Variants in OPCML observed in about 807,000 individuals in gnomAD.
OPCML encodes opioid binding protein/cell adhesion molecule like.
OPCML carries 13 observed loss-of-function variants against 37.8 expected under a neutral mutation model. The observed-to-expected ratio is 0.34, with a 90% CI of 0.22 to 0.55. OPCML has a LOEUF of 0.55. Ranked by LOEUF, OPCML falls within the 20% of genes least tolerant of loss-of-function variation. The pLI, the probability that OPCML is intolerant of heterozygous loss-of-function variation, is 0.91. For missense variants in OPCML, 341 were observed against 435.6 expected, an observed-to-expected ratio of 0.78 and a Z score of 1.93; for synonymous variants, 176 against 168.8, an observed-to-expected ratio of 1.04 and a Z score of -0.33.
intron 1 of OPCML, among the ~76,000 whole-genome samples, chr11:132,946,214 C>A (rs1404017084): frequency 6.6e-6 from 1 of 152,200 alleles, no homozygotes; most frequent in Non-Finnish European, 1.5e-5. Flanking sequence ...GCTTCAGGAG[C>A]AATAACATGC....
At chr11:132,981,904 T>G (rs1037584735) in intron 1 of OPCML, among the ~76,000 whole-genome samples, 1 of 152,164 alleles carries the variant, frequency 6.6e-6, no homozygotes, top group Admixed American at 6.5e-5. Flanking sequence ...ACAATGACCT[T>G]GTAAGGAGAA....
chr11:133,361,569 T>A (rs1944420532), intron 1 of OPCML: 3 of 161,228 alleles, frequency 1.9e-5, no homozygotes, highest in Non-Finnish European at 4.1e-5. Flanking sequence ...CTGCAGCTAC[T>A]CCGGGGCACC....
At chr11:133,053,685 C>T (rs1030059172) in intron 1 of OPCML, among the ~76,000 whole-genome samples, 4 of 152,188 alleles carry the variant, frequency 2.6e-5, no homozygotes, top group South Asian at 2.1e-4. Context: ...GGCTTTTCTT[C>T]GACCTAACCT....
Position 133,164,261 on chromosome 11 carries a change from G to C in OPCML, c.62-221251C>G, listed in dbSNP as rs942219393. ...TCTGGGCAAGTAACAGACCCTCTGA[G>C]CCTTGTTTCCCAACACACCCACCCT... is the stretch of plus-strand genomic sequence containing the variant. On this transcript the variant is annotated intron_variant, in intron 1 of 7. Coordinates refer to ENST00000524381, the MANE Select transcript of OPCML (RefSeq NM_001012393.5). Among the ~76,000 whole-genome samples the C allele has an allele frequency of 3.3e-5, 5 of 152,182 alleles. No homozygotes were observed. In the East Asian group the frequency reaches 9.6e-4, roughly 29 times the overall value.
At chr11:132,505,351 C>T (rs116535329) in intron 4 of OPCML, among the ~76,000 whole-genome samples, 1 of 152,054 alleles carries the variant, frequency 6.6e-6, no homozygotes, top group African/African-American at 2.4e-5. Flanking sequence ...TTCATGTGAT[C>T]GAGCCGTACA....
At chr11:132,636,208 T>C (rs1291233321) in intron 3 of OPCML, among the ~76,000 whole-genome samples, 1 of 152,202 alleles carries the variant, frequency 6.6e-6, no homozygotes, top group Non-Finnish European at 1.5e-5. Context: ...TAGAAAATTG[T>C]TATTTCCCTA....
chr11:133,106,612 G>C (rs1280726853), intron 1 of OPCML, among the ~76,000 whole-genome samples: 1 of 152,210 alleles, frequency 6.6e-6, no homozygotes, highest in African/African-American at 2.4e-5. Flanking sequence ...TGATGGTAAA[G>C]CCAGGATGAG....
At chr11:132,884,897 C>T (rs546199824) in intron 2 of OPCML, among the ~76,000 whole-genome samples, 1 of 152,128 alleles carries the variant, frequency 6.6e-6, no homozygotes, top group Non-Finnish European at 1.5e-5. Context: ...CATAGGAGAC[C>T]GTTGCCAAAA....
rs1171667267 is a variant in OPCML at position 133,174,193 on chromosome 11, TC to T, written c.62-231184del. ...TCTTTGGCACAAAGAAATGCTTCCC[TC>T]CCCTACCACGACAGGAAGAAGGAAA... On this transcript the variant is annotated intron_variant, in intron 1 of 7. Coordinates refer to ENST00000524381, the MANE Select transcript of OPCML (RefSeq NM_001012393.5). The surrounding 1 kb of genome is among the most constrained non-coding windows in gnomAD (Gnocchi z 4.6). Among the ~76,000 whole-genome samples, 4 of 152,056 alleles carry T rather than the reference TC, an allele frequency of 2.6e-5. No homozygotes were observed. Among genetic ancestry groups the T allele is most frequent in the Admixed American group, 1.3e-4 (2 of 15,262 alleles).
chr11:133,483,346 T>TAG (rs1555165554), intron 1 of OPCML, among the ~76,000 whole-genome samples: 12 of 86,532 alleles, frequency 1.4e-4, no homozygotes, highest in East Asian at 8.5e-4. Flanking sequence ...AGATAATAGA[T>TAG]ATAGATAGAT....
intron 1 of OPCML, among the ~76,000 whole-genome samples, chr11:133,102,007 C>A (rs1949090851): frequency 6.6e-6 from 1 of 152,088 alleles, no homozygotes; most frequent in Non-Finnish European, 1.5e-5. Flanking sequence ...TGACATTATG[C>A]AAAAGGCAAA....
chr11:133,216,266 G>C (rs1400059171), intron 1 of OPCML, among the ~76,000 whole-genome samples: 3 of 152,160 alleles, frequency 2.0e-5, no homozygotes, highest in Non-Finnish European at 4.4e-5. Flanking sequence ...CCCAGAAACT[G>C]TGTTTTATAA....
intron 2 of OPCML, among the ~76,000 whole-genome samples, chr11:132,868,054 T>C (rs1031717512): frequency 1.3e-5 from 2 of 152,148 alleles, no homozygotes; most frequent in Non-Finnish European, 2.9e-5. Context: ...TGAAAGGTAC[T>C]CTGAGAGCGT....
In OPCML at chr11:133,389,994, C is replaced by G. The variant is rs75832013; in HGVS notation, c.61+142270G>C. Among the ~76,000 whole-genome samples the G allele has an allele frequency of 6.1e-4, 93 of 152,334 alleles. 1 individual carries two copies. In the East Asian group the frequency reaches 0.017, roughly 28 times the overall value. Reference sequence around the variant, plus strand: ...TTTAAAATCTGGCATGAGAGCATCTCCTGTGAAGACTCCTCCTTTAAGACA... The same window carrying G: ...TTTAAAATCTGGCATGAGAGCATCTGCTGTGAAGACTCCTCCTTTAAGACA... On this transcript the variant is annotated intron_variant, in intron 1 of 7. Transcript: ENST00000524381.
intron 1 of OPCML, among the ~76,000 whole-genome samples, chr11:133,233,010 C>T (rs1592128322): frequency 6.6e-6 from 1 of 152,148 alleles, no homozygotes; most frequent in Non-Finnish European, 1.5e-5. Context: ...GAACTGGGTA[C>T]CTGGACTTTT....
intron 1 of OPCML, among the ~76,000 whole-genome samples, chr11:133,116,805 C>CATAT (rs1275607238): frequency 6.9e-6 from 1 of 144,160 alleles, no homozygotes; most frequent in African/African-American, 2.7e-5. Context: ...TAAAACTATA[C>CATAT]ATATATATAT....
chr11:133,396,409 C>A (rs112768479), intron 1 of OPCML, among the ~76,000 whole-genome samples: 5,449 of 152,066 alleles, frequency 0.036, 334 homozygotes, highest in African/African-American at 0.12. Context: ...CTAGCTAGGA[C>A]TTCCTGTCAC....
chr11:133,318,069 A>G (rs1169721278), intron 1 of OPCML, among the ~76,000 whole-genome samples: 4 of 152,116 alleles, frequency 2.6e-5, no homozygotes, highest in African/African-American at 9.7e-5. Flanking sequence ...AACGACAAAA[A>G]CCCAGGGAAA....
At chr11:133,519,563 T>A (rs1465025552) in intron 1 of OPCML, among the ~76,000 whole-genome samples, 1 of 152,034 alleles carries the variant, frequency 6.6e-6, no homozygotes, top group Non-Finnish European at 1.5e-5. Flanking sequence ...TAAGATGCTT[T>A]TACCAGGGGA....
Sources: gnomAD v4.1 joint callset for allele counts (sites outside exome capture counted in the v4.1 genomes callset) on GRCh38, gnomAD v4.1.1 for gene constraint, Gnocchi (gnomAD v3.1) non-coding constraint, MANE v1.5 for transcripts, NCBI Gene and HGNC (gene_info 2026-07-23, HGNC 2026-07-21) for gene names.